MICU1: variants seen among roughly 807,000 people sequenced by gnomAD.
The protein encoded by MICU1 is mitochondrial calcium uptake 1, also known as calcium uptake protein 1, mitochondrial.
In MICU1, 45 loss-of-function variants were observed where a neutral mutation model predicts 56.8. The ratio of observed to expected loss-of-function variants is 0.79; its 90% confidence interval spans 0.62 to 1.02. MICU1 has a LOEUF of 1.02. Among genes scored for constraint, MICU1 ranks in the 50% least tolerant of loss-of-function variants. MICU1 has a pLI of 0.00. For missense variants in MICU1, 504 were observed against 587.1 expected (o/e 0.86, Z 1.46); for synonymous variants, 186 against 195.1 (o/e 0.95, Z 0.39).
chr10:72,533,893 C>T, intron 4 of MICU1, 104 bp from the exon 5 acceptor site: 1 of 765,068 alleles, frequency 1.3e-6, no homozygotes, highest in African/African-American at 1.8e-5. Context: ...GTTAAAAGTA[C>T]AAAACATTTA....
intron 1 of MICU1, among the ~76,000 whole-genome samples, chr10:72,608,613 G>A (rs1355780283): frequency 6.6e-6 from 1 of 152,196 alleles, no homozygotes; most frequent in Non-Finnish European, 1.5e-5. Context: ...CAGAGAAAAT[G>A]TGGAGAAATT....
chr10:72,484,975 C>A (rs1866419907), intron 6 of MICU1, among the ~76,000 whole-genome samples: 1 of 152,168 alleles, frequency 6.6e-6, no homozygotes, highest in African/African-American at 2.4e-5. Context: ...TTGTCTATAG[C>A]TGCCTTTGAG....
At chr10:72,429,090 T>C (rs1864441302) in intron 8 of MICU1, among the ~76,000 whole-genome samples, 1 of 152,058 alleles carries the variant, frequency 6.6e-6, no homozygotes, top group South Asian at 2.1e-4. Context: ...ATAATATATG[T>C]AAAGAAATTA....
intron 6 of MICU1, among the ~76,000 whole-genome samples, chr10:72,507,383 C>T (rs898169351): frequency 3.3e-5 from 5 of 152,118 alleles, no homozygotes; most frequent in African/African-American, 1.2e-4. Flanking sequence ...TTTAAAAAAT[C>T]AGAAACTCCT....
intron 8 of MICU1, among the ~76,000 whole-genome samples, chr10:72,460,490 A>G (rs1397524796): frequency 6.6e-6 from 1 of 152,182 alleles, no homozygotes; most frequent in Admixed American, 6.6e-5. Flanking sequence ...GTGGGGAGGG[A>G]GAAAAGGCAT....
At chr10:72,580,287 T>C (rs1840862406) in intron 1 of MICU1, among the ~76,000 whole-genome samples, 3 of 152,108 alleles carry the variant, frequency 2.0e-5, no homozygotes, top group African/African-American at 7.2e-5. Context: ...CCATCCAATG[T>C]TATTTTTTAG....
chr10:72,375,101 T>C (rs1049974023), intron 11 of MICU1, among the ~76,000 whole-genome samples: 3 of 152,098 alleles, frequency 2.0e-5, no homozygotes, highest in African/African-American at 7.2e-5. Flanking sequence ...CCTTAGGAAA[T>C]CTACTTAACC....
chr10:72,423,884 A>C (rs1187350187), intron 8 of MICU1, among the ~76,000 whole-genome samples: 1 of 152,200 alleles, frequency 6.6e-6, no homozygotes, highest in Non-Finnish European at 1.5e-5. Flanking sequence ...GTTTCCCCAA[A>C]ATAGCAATAA....
chr10:72,519,749 T>C (rs1238277447), intron 5 of MICU1, among the ~76,000 whole-genome samples: 1 of 152,176 alleles, frequency 6.6e-6, no homozygotes, highest in African/African-American at 2.4e-5. Flanking sequence ...CTCAAGTATA[T>C]GAAGCCAAAG....
At chr10:72,555,927 T>C (rs1347239833) in intron 3 of MICU1, among the ~76,000 whole-genome samples, 2 of 152,194 alleles carry the variant, frequency 1.3e-5, no homozygotes, top group Non-Finnish European at 2.9e-5. Context: ...GGCTTAATTT[T>C]GGTAGAATGC....
chr10:72,586,288 G>A (rs535631732), intron 1 of MICU1, among the ~76,000 whole-genome samples: 19 of 151,570 alleles, frequency 1.3e-4, no homozygotes, highest in Non-Finnish European at 2.1e-4. Context: ...CTGGAATTAC[G>A]GTTGTGAGCC....
At chr10:72,547,084 G>A (rs984961140) in intron 4 of MICU1, among the ~76,000 whole-genome samples, 1 of 151,922 alleles carries the variant, frequency 6.6e-6, no homozygotes, top group East Asian at 1.9e-4. Flanking sequence ...TAGTACAGAC[G>A]AGGTTTCACC....
chr10:72,404,235 C>T (rs1863556986), intron 10 of MICU1, among the ~76,000 whole-genome samples: 1 of 152,032 alleles, frequency 6.6e-6, no homozygotes, highest in South Asian at 2.1e-4. Context: ...AGTGATCCAC[C>T]CACCTTCCAA....
intron 9 of MICU1, among the ~76,000 whole-genome samples, chr10:72,414,883 G>A (rs568128883): frequency 5.9e-5 from 9 of 152,094 alleles, no homozygotes; most frequent in South Asian, 2.1e-4. Flanking sequence ...CAGCAAATCC[G>A]TCTACCAGAA....
intron 8 of MICU1, among the ~76,000 whole-genome samples, chr10:72,432,954 T>A (rs149103308): frequency 6.6e-6 from 1 of 152,358 alleles, no homozygotes; most frequent in East Asian, 1.9e-4. Flanking sequence ...TCTTCCTTTA[T>A]GTTTTTTTTG....
chr10:72,613,118 C>T (rs1038509991), intron 1 of MICU1, among the ~76,000 whole-genome samples: 30 of 152,018 alleles, frequency 2.0e-4, no homozygotes, highest in African/African-American at 5.3e-4. Context: ...CTATTATCAA[C>T]ACCATATGTG....
chr10:72,602,355 G>A (rs1841562880), intron 1 of MICU1, among the ~76,000 whole-genome samples: 1 of 151,788 alleles, frequency 6.6e-6, no homozygotes. Flanking sequence ...GGAGGCTGAG[G>A]CAGAAGAATC....
At chr10:72,508,476 T>C (rs1842026219) in intron 5 of MICU1, 3 of 367,030 alleles carry the variant, frequency 8.2e-6, no homozygotes, top group Non-Finnish European at 1.5e-5. Flanking sequence ...ATTTCAACAC[T>C]AGTTCAATAT....
At chr10:72,371,749 A>G (rs1174263242) in intron 11 of MICU1, among the ~76,000 whole-genome samples, 2 of 151,358 alleles carry the variant, frequency 1.3e-5, no homozygotes, top group South Asian at 4.2e-4. Flanking sequence ...CATCTCAAAG[A>G]AAAAAATATA....
Sources: gnomAD v4.1 joint callset for allele counts (sites outside exome capture counted in the v4.1 genomes callset) on GRCh38, gnomAD v4.1.1 for gene constraint, MANE v1.5 for transcripts, NCBI Gene and HGNC (gene_info 2026-07-23, HGNC 2026-07-21) for gene names.